The following WAPL variants were observed in gnomAD, a reference collection of about 807,000 sequenced individuals.
The protein encoded by WAPL is wings apart-like protein homolog.
Under a neutral mutation model 121.0 loss-of-function variants are expected in WAPL, and 5 were observed. The ratio of observed to expected loss-of-function variants is 0.04; its 90% CI spans 0.02 to 0.09. The LOEUF is 0.09. Ranked by LOEUF, WAPL falls within the 10% of genes least tolerant of loss-of-function variation. The probability of loss-of-function intolerance (pLI) is 1.00; values close to 1 mark genes in which losing one functional copy is unlikely to be tolerated. For missense variants in WAPL, 999 were observed against 1,410.8 expected, an observed-to-expected ratio of 0.71 and a Z score of 4.68; for synonymous variants, 480 against 481.5, an observed-to-expected ratio of 1.00 and a Z score of 0.04.
intron 2 of WAPL, among the ~76,000 whole-genome samples, chr10:86,506,221 C>A (rs1033924406): frequency 6.6e-6 from 1 of 151,622 alleles, no homozygotes; most frequent in South Asian, 2.1e-4. Context: ...GGCAACAGAG[C>A]GAGACCATCT....
At chr10:86,453,534 TAAGTC>T in intron 13 of WAPL, 117 bp downstream of exon 13, 1 of 1,269,978 alleles carries the variant, frequency 7.9e-7, no homozygotes, top group South Asian at 1.6e-5. Context: ...TACACATGAG[TAAGTC>T]AAGTACATTA....
At chr10:86,477,539 A>G (rs1322657576) in intron 4 of WAPL, among the ~76,000 whole-genome samples, 2 of 152,190 alleles carry the variant, frequency 1.3e-5, no homozygotes, top group Non-Finnish European at 2.9e-5. Flanking sequence ...ACCGTGACTC[A>G]TGCCTGTAAT....
At chr10:86,500,835 C>T (rs1359558669) in intron 2 of WAPL, 92 bp from the exon 3 acceptor site, 2 of 1,062,302 alleles carry the variant, frequency 1.9e-6, no homozygotes, top group South Asian at 1.8e-5. Flanking sequence ...AGTATATGAT[C>T]AATCTTGGAA....
chr10:86,462,851 C>T (rs892482999), intron 9 of WAPL, among the ~76,000 whole-genome samples: 8 of 151,890 alleles, frequency 5.3e-5, no homozygotes, highest in African/African-American at 1.4e-4. Flanking sequence ...TAGACTGGTT[C>T]GTGTGTGTTA....
At chr10:86,451,459 C>T (rs1294987425) in intron 15 of WAPL, among the ~76,000 whole-genome samples, 5 of 151,762 alleles carry the variant, frequency 3.3e-5, no homozygotes, top group South Asian at 2.1e-4. Flanking sequence ...CATGCCACTT[C>T]GGCTCACCGC....
chr10:86,453,583 G>A (rs1015873271), intron 13 of WAPL, 73 bp downstream of exon 13: 28 of 1,485,604 alleles, frequency 1.9e-5, no homozygotes, highest in Non-Finnish European at 2.4e-5. Context: ...CCAGGAAAAG[G>A]AGAAACAAAA....
chr10:86,514,501 G>A (rs55999259), intron 2 of WAPL, among the ~76,000 whole-genome samples: 1,703 of 152,264 alleles, frequency 0.011, 30 homozygotes, highest in African/African-American at 0.039. Context: ...GAAGGAGGAA[G>A]GAAGATGGAC....
chr10:86,513,927 C>G (rs1842511519), intron 2 of WAPL, among the ~76,000 whole-genome samples: 1 of 152,138 alleles, frequency 6.6e-6, no homozygotes, highest in South Asian at 2.1e-4. Flanking sequence ...CTAACCATGA[C>G]CTGCAAAAGA....
At chr10:86,458,458 GAA>G (rs1841200939) in intron 12 of WAPL, among the ~76,000 whole-genome samples, 1 of 152,130 alleles carries the variant, frequency 6.6e-6, no homozygotes, top group Non-Finnish European at 1.5e-5. Flanking sequence ...GAAGAACAGA[GAA>G]AAGTCCATTT....
chr10:86,512,642 G>C (rs1842487458), intron 2 of WAPL, among the ~76,000 whole-genome samples: 1 of 152,222 alleles, frequency 6.6e-6, no homozygotes, highest in Non-Finnish European at 1.5e-5. Flanking sequence ...GCTGAGAACT[G>C]ACTGGCTTTA....
chr10:86,465,502 A>G (rs1334722980), intron 9 of WAPL, among the ~76,000 whole-genome samples: 4 of 152,194 alleles, frequency 2.6e-5, no homozygotes, highest in Admixed American at 2.6e-4. Context: ...CACACCGCCC[A>G]GCCTGGCTTC....
chr10:86,502,016 A>C (rs1842256531), intron 2 of WAPL, among the ~76,000 whole-genome samples: 2 of 152,250 alleles, frequency 1.3e-5, no homozygotes, highest in Admixed American at 1.3e-4. Flanking sequence ...ATGTAATTTA[A>C]CAGGTTAAGA....
chr10:86,445,056 T>C (rs542423570), intron 16 of WAPL, among the ~76,000 whole-genome samples: 2 of 152,280 alleles, frequency 1.3e-5, no homozygotes, highest in East Asian at 3.9e-4. Flanking sequence ...TGCTTCCTAC[T>C]GATGTGAAGC....
chr10:86,460,162 TAAAC>T (rs1015740451), intron 11 of WAPL, among the ~76,000 whole-genome samples: 17 of 152,190 alleles, frequency 1.1e-4, no homozygotes, highest in African/African-American at 4.1e-4. Context: ...TTGGCATATG[TAAAC>T]AAACAAGCCT....
intron 9 of WAPL, among the ~76,000 whole-genome samples, chr10:86,464,644 G>A (rs1841358131): frequency 6.6e-6 from 1 of 152,162 alleles, no homozygotes; most frequent in Non-Finnish European, 1.5e-5. Flanking sequence ...GACCAGTTTA[G>A]CCAACATAGC....
Position 86,463,150 on chromosome 10 carries a change from G to A in WAPL, c.2371-1863C>T, listed in dbSNP as rs535341138. Reference sequence around the variant, plus strand: ...AATCAGAAAATAAGAGGAACAGGCCGCAAGATGGCTCACACCTGTAATCCT... The same window carrying A: ...AATCAGAAAATAAGAGGAACAGGCCACAAGATGGCTCACACCTGTAATCCT... On this transcript the variant is annotated intron_variant, in intron 9 of 18. Coordinates refer to ENST00000298767, the MANE Select transcript of WAPL (RefSeq NM_015045.5). Among the ~76,000 whole-genome samples, 100 of 152,314 alleles carry A rather than the reference G, an allele frequency of 6.6e-4. 2 individuals carry two copies. The highest frequency in any genetic ancestry group is 2.3e-3 in the African/African-American group (95 of 41,574).
Position 86,517,724 on chromosome 10 carries a change from T to C in WAPL, c.346A>G (p.Asn116Asp), listed in dbSNP as rs1208459902. ...ACGACCACATGACTAATTTTGCTATTAGCTTCAAGTACTGAAGTGACCTCT... is the reference window on the plus strand; with the variant it reads ...ACGACCACATGACTAATTTTGCTATCAGCTTCAAGTACTGAAGTGACCTCT... ...LEEVTSVLEA[N>D]SKISHVVVED... The change falls in exon 2 of 19, where the codon AAT (asparagine) becomes GAT (aspartate). Residue 116 changes from asparagine to aspartate, a missense_variant. Transcript: ENST00000298767. 6.2e-7 allele frequency: 1 copy of C among 1,614,054 alleles called. No homozygotes were observed. Among genetic ancestry groups the C allele is most frequent in the African/African-American group, 1.3e-5 (1 of 74,940 alleles).
chr10:86,495,149 G>C (rs749374051), intron 4 of WAPL, among the ~76,000 whole-genome samples: 20 of 152,106 alleles, frequency 1.3e-4, no homozygotes, highest in Non-Finnish European at 2.8e-4. Context: ...ACTATAACAA[G>C]CTATTTAAGG....
At chr10:86,466,766 G>A (rs560713424) in intron 9 of WAPL, among the ~76,000 whole-genome samples, 1 of 151,988 alleles carries the variant, frequency 6.6e-6, no homozygotes, top group African/African-American at 2.4e-5. Context: ...GCACGACCTC[G>A]GCTCACTGTA....
Sources: gnomAD v4.1 joint callset for allele counts (sites outside exome capture counted in the v4.1 genomes callset) on GRCh38, gnomAD v4.1.1 for gene constraint, MANE v1.5 for transcripts, NCBI Gene and HGNC (gene_info 2026-07-23, HGNC 2026-07-21) for gene names.